MYO3A: variants seen among roughly 807,000 people sequenced by gnomAD.
MYO3A encodes myosin-IIIa.
Under a neutral mutation model 192.7 loss-of-function variants are expected in MYO3A, and 180 were observed. The ratio of observed to expected loss-of-function variants is 0.93; its 90% CI spans 0.83 to 1.06. MYO3A has a LOEUF of 1.06. Among genes scored for constraint, MYO3A ranks in the 50% least tolerant of loss-of-function variants. MYO3A has a pLI of 0.00. For missense variants in MYO3A, 1,896 were observed against 1,905.0 expected (o/e 1.00, Z 0.09); for synonymous variants, 628 against 645.3 (o/e 0.97, Z 0.41).
chr10:26,088,384 C>T lies in MYO3A; in HGVS notation c.1541C>T (p.Ser514Phe). 6.2e-7 allele frequency: 1 copy of T among 1,613,752 alleles called. No homozygotes were observed. Among genetic ancestry groups the T allele is most frequent in the Non-Finnish European group, 8.5e-7 (1 of 1,179,748 alleles). Residue 514 changes from serine to phenylalanine, a missense_variant, in exon 15 of 35, where the codon TCC (serine) becomes TTC (phenylalanine). Transcript: ENST00000642920. ...ATTTCTGAATATCTCCTGGAAAAAT[C>T]CCGAGTTATCCACCAAGCTATGTAA... is the stretch of plus-strand genomic sequence containing the variant. ...AQISEYLLEK[S>F]RVIHQAIGEK...
At chr10:26,119,997 T>C (rs1228975648) in intron 17 of MYO3A, among the ~76,000 whole-genome samples, 1 of 90,438 alleles carries the variant, frequency 1.1e-5, no homozygotes. Flanking sequence ...CTCTATAAAA[T>C]ACCAAAAAAA....
chr10:26,104,345 T>A (rs1490885709), intron 17 of MYO3A, among the ~76,000 whole-genome samples: 1 of 152,198 alleles, frequency 6.6e-6, no homozygotes, highest in Non-Finnish European at 1.5e-5. Context: ...AGGTCATTGT[T>A]CCATTTTGAG....
chr10:26,168,879 T>C lies in MYO3A; in HGVS notation c.3274+5T>C, dbSNP rs1841902858. 1 of 1,606,098 alleles carries C rather than the reference T, an allele frequency of 6.2e-7. No homozygotes were observed. The highest frequency in any genetic ancestry group is 1.7e-5 in the Admixed American group (1 of 59,972). On this transcript the variant is annotated splice_donor_5th_base_variant and intron_variant, in intron 28 of 34. Coordinates refer to ENST00000642920, the MANE Select transcript of MYO3A (RefSeq NM_017433.5). ...GCGCTATAATAATACAGTCAGGTAA[T>C]CTCTTTGACATATTTAGATATGGTC... is the stretch of plus-strand genomic sequence containing the variant.
intron 12 of MYO3A, among the ~76,000 whole-genome samples, chr10:26,069,325 A>C (rs1835051707): frequency 6.6e-6 from 1 of 152,062 alleles, no homozygotes; most frequent in South Asian, 2.1e-4. Flanking sequence ...ATTCCTTTTG[A>C]TGTATTATTG....
At chr10:26,147,766 G>A (rs1365435164) in intron 23 of MYO3A, among the ~76,000 whole-genome samples, 2 of 152,152 alleles carry the variant, frequency 1.3e-5, no homozygotes, top group Non-Finnish European at 2.9e-5. Flanking sequence ...TTAAAGGTAA[G>A]TGTTTGCAGC....
chr10:26,144,783 C>T (rs536107172), intron 21 of MYO3A, among the ~76,000 whole-genome samples: 1 of 152,268 alleles, frequency 6.6e-6, no homozygotes, highest in South Asian at 2.1e-4. Context: ...TGCCCAGGAA[C>T]ATCAGCATCA....
chr10:26,183,679 C>T (rs181578865), intron 31 of MYO3A, among the ~76,000 whole-genome samples: 19 of 152,224 alleles, frequency 1.2e-4, no homozygotes, highest in East Asian at 3.9e-4. Flanking sequence ...CCTGGGGCAT[C>T]GGCATTCAGT....
At chr10:25,995,722 G>A (rs1840384781) in intron 4 of MYO3A, among the ~76,000 whole-genome samples, 1 of 152,212 alleles carries the variant, frequency 6.6e-6, no homozygotes, top group African/African-American at 2.4e-5. Context: ...CCTTTTAACA[G>A]TCAGGACCCT....
intron 10 of MYO3A, among the ~76,000 whole-genome samples, chr10:26,063,209 A>G (rs1324724285): frequency 6.6e-6 from 1 of 152,196 alleles, no homozygotes; most frequent in African/African-American, 2.4e-5. Flanking sequence ...CTGGCAGGAA[A>G]ATGACACAGT....
At chr10:26,196,778 T>TG (rs1395710383) in intron 32 of MYO3A, among the ~76,000 whole-genome samples, 1 of 152,214 alleles carries the variant, frequency 6.6e-6, no homozygotes, top group African/African-American at 2.4e-5. Flanking sequence ...GAATTTTTTT[T>TG]AACTTTTTTT....
chr10:26,115,369 G>A (rs1190534060), intron 17 of MYO3A, among the ~76,000 whole-genome samples: 1 of 152,174 alleles, frequency 6.6e-6, no homozygotes, highest in East Asian at 1.9e-4. Context: ...AATGCAGGCA[G>A]TTCACCTGTT....
In MYO3A at chr10:26,130,662, A is replaced by G. The variant is rs149294388; in HGVS notation, c.2262+2124A>G. Among the ~76,000 whole-genome samples the G allele has an allele frequency of 1.2e-3, 189 of 152,336 alleles. 1 individual carries two copies. The highest frequency in any genetic ancestry group is 4.3e-3 in the African/African-American group (180 of 41,582). The stretch of plus-strand genomic sequence containing the variant: ...TTTCAGGTGCCTTCCTAGAATAACT[A>G]TCTAGGAATTTCTGCTTCATAGTCT... On this transcript the variant is annotated intron_variant, in intron 20 of 34. Transcript: ENST00000642920.
intron 23 of MYO3A, among the ~76,000 whole-genome samples, chr10:26,149,035 G>C (rs1468933127): frequency 2.6e-5 from 4 of 152,066 alleles, no homozygotes; most frequent in Non-Finnish European, 5.9e-5. Flanking sequence ...AGGACAGGTT[G>C]CAAGAGTGAA....
At chr10:25,994,045 T>G (rs897171864) in intron 4 of MYO3A, among the ~76,000 whole-genome samples, 1 of 152,198 alleles carries the variant, frequency 6.6e-6, no homozygotes, top group African/African-American at 2.4e-5. Context: ...GGTGCAGAGC[T>G]GAATTCAATT....
Position 26,060,032 on chromosome 10 carries a change from C to T in MYO3A, c.954-6943C>T, listed in dbSNP as rs577489151. On this transcript the variant is annotated intron_variant, in intron 10 of 34. Transcript: ENST00000642920. ...CAGCACTTTGGGAGGCCAAGGCGGG[C>T]GGATCACCTGAAGTCAGGAGTTCCA... is the stretch of plus-strand genomic sequence containing the variant. Among the ~76,000 whole-genome samples the T allele has an allele frequency of 6.6e-5, 10 of 152,196 alleles. No individual in the cohort carries two copies. The South Asian group carries it at 8.3e-4, about 13-fold the overall frequency.
intron 14 of MYO3A, among the ~76,000 whole-genome samples, chr10:26,075,578 A>G (rs1207463193): frequency 7.1e-6 from 1 of 141,508 alleles, no homozygotes; most frequent in Non-Finnish European, 1.5e-5. Context: ...TCTCTCATAT[A>G]TATATATATA....
intron 10 of MYO3A, among the ~76,000 whole-genome samples, chr10:26,055,479 A>G (rs1844259038): frequency 6.6e-6 from 1 of 152,092 alleles, no homozygotes. Context: ...CAAGGGAGCA[A>G]TTAGTGGGGT....
chr10:26,006,249 T>G (rs1264779413), intron 6 of MYO3A, among the ~76,000 whole-genome samples: 4 of 152,018 alleles, frequency 2.6e-5, no homozygotes, highest in African/African-American at 9.7e-5. Flanking sequence ...GAGGGAAATT[T>G]ATAGCACTAA....
intron 14 of MYO3A, among the ~76,000 whole-genome samples, chr10:26,076,178 G>T (rs950586415): frequency 1.3e-5 from 2 of 151,730 alleles, no homozygotes; most frequent in African/African-American, 4.8e-5. Flanking sequence ...TGATTTTTTG[G>T]TTATGGTCAT....
Sources: allele counts gnomAD v4.1 joint callset (sites outside exome capture counted in the v4.1 genomes callset), GRCh38; gene constraint gnomAD v4.1.1; transcripts MANE v1.5; gene names NCBI Gene and HGNC (gene_info 2026-07-23, HGNC 2026-07-21).